CRPPA: variants seen among roughly 807,000 people sequenced by gnomAD.
The protein encoded by CRPPA is D-ribitol-5-phosphate cytidylyltransferase.
A neutral mutation model predicts 52.0 loss-of-function variants in CRPPA; 43 were observed. The observed-to-expected ratio is 0.83, with a 90% CI of 0.65 to 1.07. The LOEUF (loss-of-function observed/expected upper bound fraction) is 1.07, where lower values mean the gene tolerates loss of function less well. CRPPA is among the 50% of genes least tolerant of loss of function. The probability of loss-of-function intolerance (pLI) is 0.00; values close to 1 mark genes in which losing one functional copy is unlikely to be tolerated. For missense variants in CRPPA, 629 were observed against 551.7 expected (o/e 1.14, Z -1.40); for synonymous variants, 250 against 203.5 (o/e 1.23, Z -1.94).
In CRPPA at chr7:16,262,965, AG is replaced by A. The variant is rs1426743103; in HGVS notation, c.934-3954del. Among the ~76,000 whole-genome samples the A allele has an allele frequency of 4.6e-5, 7 of 152,310 alleles. No individual in the cohort carries two copies. In the East Asian group the frequency reaches 1.3e-3, roughly 29 times the overall value. Reference sequence around the variant, plus strand: ...TTTTCTATTGTTTTTAAAGCAATGGAGAAGGAAGATTTTATGAATGATCTTT... The same window carrying A: ...TTTTCTATTGTTTTTAAAGCAATGGAAAGGAAGATTTTATGAATGATCTTT... On this transcript the variant is annotated intron_variant, in intron 6 of 9. Coordinates refer to ENST00000407010, the MANE Select transcript of CRPPA (RefSeq NM_001101426.4).
At chr7:16,267,940 A>G (rs1055788118) in intron 6 of CRPPA, among the ~76,000 whole-genome samples, 2 of 152,176 alleles carry the variant, frequency 1.3e-5, no homozygotes, top group African/African-American at 2.4e-5. Context: ...ATATACAGGA[A>G]GATGTATATA....
rs113990687 is a variant in CRPPA, at chr7:16,257,599, T to C, written c.1119+791A>G. ...TTATTTATATTGCAAATTATCTTTA[T>C]TCTTTATTACTAATCCTACCTGACA... On this transcript the variant is annotated intron_variant, in intron 8 of 9. Coordinates refer to ENST00000407010, the MANE Select transcript of CRPPA (RefSeq NM_001101426.4). 5.8e-4 allele frequency among the ~76,000 whole-genome samples: 88 copies of C among 152,238 alleles called. 1 individual carries two copies. The highest frequency in any genetic ancestry group is 2.0e-3 in the African/African-American group (84 of 41,564).
intron 6 of CRPPA, among the ~76,000 whole-genome samples, chr7:16,270,910 T>C (rs763642818): frequency 6.6e-6 from 1 of 152,054 alleles, no homozygotes; most frequent in Non-Finnish European, 1.5e-5. Context: ...AGTTTTGATG[T>C]GTTGTTTGAC....
chr7:16,267,274 T>G (rs537588046), intron 6 of CRPPA, among the ~76,000 whole-genome samples: 4 of 152,316 alleles, frequency 2.6e-5, no homozygotes, highest in African/African-American at 7.2e-5. Flanking sequence ...TATAGCCTAA[T>G]GGGAAAACAA....
intron 8 of CRPPA, among the ~76,000 whole-genome samples, chr7:16,230,763 G>A (rs7790551): frequency 0.23 from 34,688 of 152,132 alleles, 4,265 homozygotes; most frequent in South Asian, 0.42. Flanking sequence ...ACTTATCCAA[G>A]TCTTCACAGA....
intron 1 of CRPPA, among the ~76,000 whole-genome samples, chr7:16,419,749 A>C (rs918637303): frequency 6.6e-6 from 1 of 151,960 alleles, no homozygotes; most frequent in South Asian, 2.1e-4. Context: ...ACCCCCTATG[A>C]TTCCATCTCC....
intron 9 of CRPPA, among the ~76,000 whole-genome samples, chr7:16,145,690 TAAAC>T (rs1562525450): frequency 1.4e-5 from 2 of 144,266 alleles, no homozygotes; most frequent in Admixed American, 6.8e-5. Flanking sequence ...ATCCCTGAAA[TAAAC>T]AAACAGAGAT....
At chr7:16,264,642 T>C (rs1783905004) in intron 6 of CRPPA, among the ~76,000 whole-genome samples, 1 of 152,340 alleles carries the variant, frequency 6.6e-6, no homozygotes, top group East Asian at 1.9e-4. Context: ...ACAGAAAACG[T>C]TGGCTGGGTC....
chr7:16,345,971 G>T (rs68127194), intron 3 of CRPPA, among the ~76,000 whole-genome samples: 2 of 151,932 alleles, frequency 1.3e-5, no homozygotes, highest in African/African-American at 4.8e-5. Flanking sequence ...TCAAAGTCTC[G>T]TTGTAGACGT....
intron 3 of CRPPA, among the ~76,000 whole-genome samples, chr7:16,343,672 C>T (rs1785931279): frequency 6.6e-6 from 1 of 152,098 alleles, no homozygotes; most frequent in Non-Finnish European, 1.5e-5. Flanking sequence ...TACCAAAACA[C>T]TTAAAAGGAA....
chr7:16,241,462 T>C (rs1527209), intron 8 of CRPPA, among the ~76,000 whole-genome samples: 47,028 of 151,938 alleles, frequency 0.31, 9,120 homozygotes, highest in Admixed American at 0.44. Flanking sequence ...CATGTAATTA[T>C]CTAGATAATT....
intron 9 of CRPPA, among the ~76,000 whole-genome samples, chr7:16,134,874 T>C (rs1583380462): frequency 6.6e-6 from 1 of 152,150 alleles, no homozygotes; most frequent in East Asian, 1.9e-4. Context: ...AAAGCAAAGG[T>C]AGTGTGAAAA....
At position 16,376,269 on chromosome 7, in the gene CRPPA, T is replaced by C. The variant is rs373648800; in HGVS notation, c.535-28A>G. On this transcript the variant is annotated intron_variant, in intron 2 of 9. Transcript: ENST00000407010. ...GAAGAACAAAGAGGCAAAGAATATA[T>C]TTCACCTACAAGCCATTTTAAAGTG... is the stretch of plus-strand genomic sequence containing the variant. 7.6e-6 allele frequency: 12 copies of C among 1,571,872 alleles called. No individual in the cohort carries two copies. In the African/African-American group the frequency reaches 1.6e-4, roughly 21 times the overall value.
chr7:16,199,868 T>C (rs1467476017), intron 9 of CRPPA, among the ~76,000 whole-genome samples: 1 of 150,302 alleles, frequency 6.7e-6, no homozygotes, highest in Admixed American at 6.6e-5. Flanking sequence ...TTTTTTTTTT[T>C]TTTTTTGAGA....
chr7:16,420,991 G>A (rs1287953106), intron 1 of CRPPA, 75 bp downstream of exon 1: 1 of 1,216,148 alleles, frequency 8.2e-7, no homozygotes. Flanking sequence ...AGGTGCTAGC[G>A]CTAGAGCAGC....
Position 16,096,303 on chromosome 7 carries a change from G to GA in CRPPA, c.1252-4505dup, listed in dbSNP as rs1395292300. Among the ~76,000 whole-genome samples, 5 of 151,338 alleles carry GA rather than the reference G, an allele frequency of 3.3e-5. No homozygotes were observed. The South Asian group carries it at 1.0e-3, about 32-fold the overall frequency. ...GAAAAAAAAACACCCATAATCAGGA[G>GA]AAAAAAATAATTTAAGCAGACCCAG... On this transcript the variant is annotated intron_variant, in intron 9 of 9. Coordinates refer to ENST00000407010, the MANE Select transcript of CRPPA (RefSeq NM_001101426.4).
intron 9 of CRPPA, among the ~76,000 whole-genome samples, chr7:16,202,292 T>G (rs1026964185): frequency 6.6e-6 from 1 of 152,210 alleles, no homozygotes; most frequent in African/African-American, 2.4e-5. Flanking sequence ...ATTTAACCAC[T>G]ATTCTGTTCA....
intron 9 of CRPPA, among the ~76,000 whole-genome samples, chr7:16,182,060 AC>A (rs1249458926): frequency 1.3e-5 from 2 of 152,036 alleles, no homozygotes; most frequent in African/African-American, 4.8e-5. Context: ...GTAAATATTT[AC>A]CAGTGAGCAA....
chr7:16,310,499 G>A (rs1262981393), intron 3 of CRPPA, among the ~76,000 whole-genome samples: 2 of 152,110 alleles, frequency 1.3e-5, no homozygotes, highest in Non-Finnish European at 2.9e-5. Context: ...AAGCACTCGA[G>A]AAAATCGAAA....
Sources: allele counts gnomAD v4.1 joint callset (sites outside exome capture counted in the v4.1 genomes callset), GRCh38; gene constraint gnomAD v4.1.1; transcripts MANE v1.5; gene names NCBI Gene and HGNC (gene_info 2026-07-23, HGNC 2026-07-21).